The following RTN4 variants were observed in gnomAD, a reference collection of about 807,000 sequenced individuals.
RTN4 encodes the protein reticulon 4, also known as reticulon-4.
A neutral mutation model predicts 90.4 loss-of-function variants in RTN4; 32 were observed. That is an observed-to-expected ratio of 0.35 (90% confidence interval 0.27 to 0.48). The LOEUF (loss-of-function observed/expected upper bound fraction) is 0.48. Ranked by LOEUF, RTN4 falls within the 20% of genes least tolerant of loss-of-function variation. RTN4 has a pLI of 0.99. For synonymous variants in RTN4, 629 were observed against 552.5 expected (o/e 1.14, Z -1.94); for missense variants, 1,706 against 1,430.2 (o/e 1.19, Z -3.11).
intron 1 of RTN4, among the ~76,000 whole-genome samples, chr2:55,107,047 T>A (rs938182379): frequency 1.3e-5 from 2 of 152,108 alleles, no homozygotes; most frequent in Admixed American, 1.3e-4. Context: ...TGTAACTTTC[T>A]GATGTTAATA....
the RTN4 span, among the ~76,000 whole-genome samples, chr2:55,128,986 T>C: frequency 1.3e-5 from 2 of 151,292 alleles, no homozygotes; most frequent in Non-Finnish European, 2.9e-5. Context: ...CAGGCGCCTG[T>C]AATCCCAGCT....
chr2:54,991,837 A>T (rs1573318320), intron 3 of RTN4, among the ~76,000 whole-genome samples: 2 of 152,160 alleles, frequency 1.3e-5, no homozygotes, highest in African/African-American at 4.8e-5. Flanking sequence ...GAAAATAACA[A>T]ATTCATATTC....
intron 2 of RTN4, among the ~76,000 whole-genome samples, chr2:55,072,191 G>C (rs188982933): frequency 6.6e-6 from 1 of 151,266 alleles, no homozygotes; most frequent in Non-Finnish European, 1.5e-5. Context: ...GGAGTAAACA[G>C]AGTCAAAGAA....
chr2:55,031,146 GAGAGTA>G (rs1171689456), intron 1 of RTN4, among the ~76,000 whole-genome samples: 2 of 152,198 alleles, frequency 1.3e-5, no homozygotes. Context: ...TTCTGGCTAT[GAGAGTA>G]ATTACAACAG....
upstream of RTN4, among the ~76,000 whole-genome samples, chr2:55,114,860 T>C (rs549729389): frequency 2.8e-4 from 43 of 152,134 alleles, no homozygotes; most frequent in Non-Finnish European, 4.1e-4. Context: ...CCCCCATTCA[T>C]CTCCCCTTGT....
chr2:55,093,552 A>G (rs766426455), intron 1 of RTN4, among the ~76,000 whole-genome samples: 6 of 152,104 alleles, frequency 3.9e-5, no homozygotes, highest in Non-Finnish European at 8.8e-5. Context: ...CATAGCTTAG[A>G]GGTGATGCTT....
chr2:54,981,901 GATTA>G (rs199818227), intron 5 of RTN4, among the ~76,000 whole-genome samples: 1,743 of 151,870 alleles, frequency 0.011, 42 homozygotes, highest in African/African-American at 0.041. Flanking sequence ...TCAAAATTCC[GATTA>G]ATTTCCTTTC....
chr2:55,055,797 A>G (rs1668180614), upstream of RTN4, among the ~76,000 whole-genome samples: 1 of 151,620 alleles, frequency 6.6e-6, no homozygotes, highest in Non-Finnish European at 1.5e-5. Flanking sequence ...AAACAAAAAC[A>G]AAAACCTACT....
chr2:55,096,422 T>C (rs1464730278), intron 1 of RTN4, among the ~76,000 whole-genome samples: 2 of 152,090 alleles, frequency 1.3e-5, no homozygotes, highest in Non-Finnish European at 2.9e-5. Flanking sequence ...TTTTGATTCC[T>C]CATTCTCCCA....
intron 3 of RTN4, among the ~76,000 whole-genome samples, chr2:55,001,974 T>A (rs1679880794): frequency 6.6e-6 from 1 of 152,218 alleles, no homozygotes; most frequent in South Asian, 2.1e-4. Context: ...TAAATTATGT[T>A]AAGAATGAAC....
At chr2:55,004,322 G>C (rs1366646521) in intron 3 of RTN4, among the ~76,000 whole-genome samples, 2 of 152,110 alleles carry the variant, frequency 1.3e-5, no homozygotes, top group Non-Finnish European at 2.9e-5. Context: ...TCAATCTTTG[G>C]TTATTCAAGT....
At chr2:55,016,386 C>T (rs1681039014) in intron 3 of RTN4, among the ~76,000 whole-genome samples, 1 of 152,114 alleles carries the variant, frequency 6.6e-6, no homozygotes, top group Non-Finnish European at 1.5e-5. Context: ...AGTTCTGGAC[C>T]AGCTTAGCCA....
Position 55,017,271 on chromosome 2 carries a change from T to A in RTN4, c.3013+7815A>T, listed in dbSNP as rs1225965045. 2.0e-5 allele frequency among the ~76,000 whole-genome samples: 3 copies of A among 152,320 alleles called. No individual in the cohort carries two copies. The East Asian group carries it at 5.8e-4, about 29-fold the overall frequency. On this transcript the variant is annotated intron_variant, in intron 3 of 8. Transcript: ENST00000337526. ...CTTCAGTAAAAAAACTCAAAGGCTA[T>A]ATATACTTTTTCAGAAAAATATTTT...
At chr2:55,124,909 A>G in the RTN4 span, among the ~76,000 whole-genome samples, 1 of 152,200 alleles carries the variant, frequency 6.6e-6, no homozygotes, top group Non-Finnish European at 1.5e-5. Flanking sequence ...AAATAAGGCC[A>G]CATATCTATG....
chr2:55,038,688 A>G lies in RTN4; in HGVS notation c.557-10468T>C, dbSNP rs79800073. On this transcript the variant is annotated intron_variant, in intron 1 of 8. Transcript: ENST00000337526. The stretch of plus-strand genomic sequence containing the variant: ...ATTGCTGGTGGAAGTGGTTGGGGGA[A>G]CAGTTAAGCAACTTCTTATAAAGTT... Among the ~76,000 whole-genome samples the G allele has an allele frequency of 6.1e-3, 935 of 152,350 alleles. 4 individuals are homozygous for G. Among genetic ancestry groups the G allele is most frequent in the African/African-American group, 0.018 (769 of 41,582 alleles).
chr2:54,976,262 C>T (rs1677623866), intron 5 of RTN4, among the ~76,000 whole-genome samples: 1 of 152,194 alleles, frequency 6.6e-6, no homozygotes, highest in South Asian at 2.1e-4. Context: ...ACTCCAAGTC[C>T]ACAGGGGAAA....
In RTN4 at chr2:54,972,455, G is replaced by GAAAACAGAT. The variant is rs1374408978; in HGVS notation, c.*692_*700dup. 5 of 152,598 alleles carry GAAAACAGAT rather than the reference G, an allele frequency of 3.3e-5. No homozygotes were observed. The highest frequency in any genetic ancestry group is 1.2e-4 in the African/African-American group (5 of 41,416). The allele number at this position is 152,598 out of a possible 1,614,324, so 9.5% of individuals were successfully genotyped here. A position where few individuals can be genotyped will look rare whatever the true frequency, so the allele number is the denominator to read the frequency against. On this transcript the variant is annotated 3_prime_UTR_variant, in exon 9 of 9. Transcript: ENST00000337526. ...TTCTATGTGTGTGGCATTTCATGTT[G>GAAAACAGAT]AAAACAGATGGTAGTGCTCCTAGAA...
chr2:55,035,123 C>A (rs143966473), intron 1 of RTN4, among the ~76,000 whole-genome samples: 1 of 152,102 alleles, frequency 6.6e-6, no homozygotes, highest in Non-Finnish European at 1.5e-5. Context: ...CAAAGACACA[C>A]AACCACACAC....
chr2:55,072,283 G>A (rs1668528268), intron 2 of RTN4, among the ~76,000 whole-genome samples: 2 of 151,288 alleles, frequency 1.3e-5, no homozygotes, highest in South Asian at 2.1e-4. Context: ...AGGCTGGAGT[G>A]CAGTGGCGCG....
Sources: gnomAD v4.1 joint callset for allele counts (sites outside exome capture counted in the v4.1 genomes callset) on GRCh38, gnomAD v4.1.1 for gene constraint, MANE v1.5 for transcripts, NCBI Gene and HGNC (gene_info 2026-07-23, HGNC 2026-07-21) for gene names.